Variants in WDFY4 observed in about 807,000 individuals in gnomAD.
WDFY4 encodes WDFY family member 4.
In WDFY4, 169 loss-of-function variants were observed where a neutral mutation model predicts 351.9. The ratio of observed to expected loss-of-function variants is 0.48; its 90% confidence interval spans 0.42 to 0.55. The LOEUF (loss-of-function observed/expected upper bound fraction) is 0.55, where lower values mean the gene tolerates loss of function less well. WDFY4 is among the 20% of genes least tolerant of loss of function. The pLI is 0.00. For missense variants in WDFY4, 3,803 were observed against 3,935.6 expected (o/e 0.97, Z 0.90); for synonymous variants, 1,622 against 1,574.6 (o/e 1.03, Z -0.71).
intron 26 of WDFY4, among the ~76,000 whole-genome samples, chr10:48,805,686 A>G (rs2067229910): frequency 6.6e-6 from 1 of 152,166 alleles, no homozygotes; most frequent in African/African-American, 2.4e-5. Flanking sequence ...AATTTCCATA[A>G]GCACTGCCAT....
chr10:48,823,578 C>G (rs1016352504), intron 35 of WDFY4: 6 of 1,065,740 alleles, frequency 5.6e-6, no homozygotes, highest in Non-Finnish European at 6.8e-6. Flanking sequence ...TCAAAGGCTT[C>G]TTCAGGAACA....
At chr10:48,901,976 C>G in intron 47 of WDFY4, 113 bp downstream of exon 47, 1 of 933,898 alleles carries the variant, frequency 1.1e-6, no homozygotes, top group South Asian at 1.5e-5. Context: ...CAACAGTTTC[C>G]CTCATTTTTC....
intron 23 of WDFY4, among the ~76,000 whole-genome samples, chr10:48,795,508 TATATATATATATATACATATATATATAC>T (rs1268400897): frequency 9.8e-5 from 10 of 102,478 alleles, no homozygotes; most frequent in African/African-American, 4.3e-4. Flanking sequence ...TATATATATA[TATATATATATATATACATATATATATAC>T]ACACACATGA....
intron 9 of WDFY4, among the ~76,000 whole-genome samples, chr10:48,732,990 A>G (rs1033875477): frequency 6.6e-6 from 1 of 152,234 alleles, no homozygotes; most frequent in African/African-American, 2.4e-5. Flanking sequence ...ACTGCTTAGT[A>G]ACTTCTGTCC....
In WDFY4 at chr10:48,757,232, A is replaced by C. The variant is rs571351137; in HGVS notation, c.2460-3115A>C. On this transcript the variant is annotated intron_variant, in intron 12 of 61. Coordinates refer to ENST00000325239, the MANE Select transcript of WDFY4 (RefSeq NM_001394531.1). Reference sequence around the variant, plus strand: ...GAACAATTACTGAGAGGAGTGTTGAACTCTCTAACTATAATTGTGGATTTG... The same window carrying C: ...GAACAATTACTGAGAGGAGTGTTGACCTCTCTAACTATAATTGTGGATTTG... 5.9e-4 allele frequency among the ~76,000 whole-genome samples: 90 copies of C among 152,014 alleles called. 1 individual carries two copies. The South Asian group carries it at 6.7e-3, about 11-fold the overall frequency.
chr10:48,728,274 A>G (rs1179505486), intron 7 of WDFY4, among the ~76,000 whole-genome samples: 1 of 152,212 alleles, frequency 6.6e-6, no homozygotes, highest in Non-Finnish European at 1.5e-5. Context: ...AAACATGGGA[A>G]ACCCAAGCTC....
chr10:48,884,143 C>T (rs1410889935), intron 43 of WDFY4: 1 of 151,994 alleles, frequency 6.6e-6, no homozygotes, highest in African/African-American at 2.4e-5. Flanking sequence ...TTCATACAAA[C>T]TCAATGTAAA....
chr10:48,845,147 G>A (rs557268600), intron 39 of WDFY4, among the ~76,000 whole-genome samples: 22 of 152,346 alleles, frequency 1.4e-4, no homozygotes, highest in Admixed American at 7.2e-4. Flanking sequence ...GGGAGTGGGA[G>A]TGGCTCAGAG....
At chr10:48,846,067 T>C (rs1217755896) in intron 39 of WDFY4, among the ~76,000 whole-genome samples, 1 of 152,208 alleles carries the variant, frequency 6.6e-6, no homozygotes, top group Non-Finnish European at 1.5e-5. Context: ...TTTCTAAAGA[T>C]CTGAGCTGAC....
intron 52 of WDFY4, 21 bp downstream of exon 52, chr10:48,957,303 GC>G: frequency 1.9e-6 from 3 of 1,545,898 alleles, no homozygotes; most frequent in Non-Finnish European, 2.6e-6. Context: ...GCCTGGTGAG[GC>G]CGGGTGAGTG....
chr10:48,824,328 G>A (rs11101518), intron 35 of WDFY4, among the ~76,000 whole-genome samples: 29,979 of 152,062 alleles, frequency 0.2, 4,054 homozygotes, highest in African/African-American at 0.38. Flanking sequence ...ATGCAAATCT[G>A]TGCAAAATGC....
chr10:48,721,431 G>A, intron 4 of WDFY4, 64 bp downstream of exon 4: 2 of 1,451,598 alleles, frequency 1.4e-6, no homozygotes, highest in South Asian at 2.4e-5. Context: ...GGGAGGTCCA[G>A]CACAGGGTGG....
intron 24 of WDFY4, 65 bp downstream of exon 24, chr10:48,796,515 G>A (rs183904748): frequency 9.5e-5 from 144 of 1,509,086 alleles, no homozygotes; most frequent in Middle Eastern, 1.9e-4. Context: ...CTAAGTCTGG[G>A]CTTTCCCCTA....
In WDFY4 at chr10:48,982,522, C is replaced by T; in HGVS notation, c.9502C>T (p.Leu3168Phe). The T allele has an allele frequency of 6.6e-7, 1 of 1,525,116 alleles. No homozygotes were observed. Among genetic ancestry groups the T allele is most frequent in the East Asian group, 2.5e-5 (1 of 40,440 alleles). The allele number at this position is 1,525,116 out of a possible 1,614,324, so 94.5% of individuals were successfully genotyped here. ...TCTCTTCCCAAGAAACCACACCAAA[C>T]TCCTGGTTGGTGATGAGAGGGGGAG... ...ALAVSRNHTK[L>F]LVGDERGRIF... is the part of the protein sequence containing the mutation. The change falls in exon 62 of 62, where the codon CTC (leucine) becomes TTC (phenylalanine). Residue 3168 changes from leucine (L) to phenylalanine (F), a missense_variant. By Grantham distance (22) the Leu-to-Phe change is conservative (BLOSUM62 0). This residue lies in a region of WDFY4 where 3,054 missense variants were observed against 3,148.6 expected (regional missense o/e 0.97). Transcript: ENST00000325239.
intron 47 of WDFY4, among the ~76,000 whole-genome samples, chr10:48,940,933 A>G (rs1179965806): frequency 2.0e-5 from 3 of 152,162 alleles, no homozygotes; most frequent in Non-Finnish European, 4.4e-5. Flanking sequence ...TTTAAGTCTT[A>G]ATTTTAGCCA....
chr10:48,873,371 A>G (rs1293833517), intron 40 of WDFY4, 120 bp from the exon 41 acceptor site: 5 of 1,108,868 alleles, frequency 4.5e-6, no homozygotes, highest in African/African-American at 1.6e-5. Flanking sequence ...GTGTAGAGAG[A>G]AGGTATCTTT....
chr10:48,693,921 G>A (rs940093591), intron 1 of WDFY4, among the ~76,000 whole-genome samples: 1 of 152,220 alleles, frequency 6.6e-6, no homozygotes, highest in South Asian at 2.1e-4. Flanking sequence ...TGTGACGTAG[G>A]TGGTTTGTGC....
At chr10:48,835,527 G>GA (rs1403753236) in intron 39 of WDFY4, among the ~76,000 whole-genome samples, 8 of 152,182 alleles carry the variant, frequency 5.3e-5, no homozygotes, top group African/African-American at 1.9e-4. Flanking sequence ...CAGCCACGGG[G>GA]AATGTCTCCC....
chr10:48,839,860 G>T (rs1314184126), intron 39 of WDFY4, among the ~76,000 whole-genome samples: 1 of 152,244 alleles, frequency 6.6e-6, no homozygotes, highest in Non-Finnish European at 1.5e-5. Flanking sequence ...TGCTCTACTG[G>T]CGTGAGCCAT....
Sources: allele counts gnomAD v4.1 joint callset (sites outside exome capture counted in the v4.1 genomes callset), GRCh38; gene constraint gnomAD v4.1.1; regional missense constraint gnomAD v4.1.1; transcripts MANE v1.5; gene names NCBI Gene and HGNC (gene_info 2026-07-23, HGNC 2026-07-21).